RTN4R: variants seen among roughly 807,000 people sequenced by gnomAD.
RTN4R encodes the protein reticulon-4 receptor.
In RTN4R, 4 loss-of-function variants were observed where a neutral mutation model predicts 27.7. The observed-to-expected ratio is 0.14, with a 90% CI of 0.07 to 0.33. RTN4R has a LOEUF of 0.33. Among genes scored for constraint, RTN4R ranks in the 10% least tolerant of loss-of-function variants. RTN4R has a pLI of 1.00. For synonymous variants in RTN4R, 290 were observed against 305.6 expected (o/e 0.95, Z 0.53); for missense variants, 554 against 671.5 (o/e 0.83, Z 1.93).
chr22:20,266,613 C>A (rs1228930121), intron 1 of RTN4R, among the ~76,000 whole-genome samples: 1 of 152,220 alleles, frequency 6.6e-6, no homozygotes, highest in Non-Finnish European at 1.5e-5. Context: ...TCTTCCCTGC[C>A]CAGACAGGTT....
At position 20,255,592 on chromosome 22, in the gene RTN4R, C is replaced by T. The variant is rs1232482734; in HGVS notation, c.22+12479G>A. ...CAACTCTGTGCTTGGGCCTTCCCTG[C>T]AGGCCAGGCAGCTGCTTCCCTGAAC... On this transcript the variant is annotated intron_variant, in intron 1 of 1. Transcript: ENST00000043402. This position sits in a 1 kb window ranked among gnomAD's most constrained non-coding sequence, Gnocchi z 4.8. 6.6e-6 allele frequency among the ~76,000 whole-genome samples: 1 copy of T among 152,258 alleles called. No homozygotes were observed. Among genetic ancestry groups the T allele is most frequent in the Non-Finnish European group, 1.5e-5 (1 of 68,038 alleles).
At chr22:20,256,584 T>C (rs1366879197) in intron 1 of RTN4R, among the ~76,000 whole-genome samples, 1 of 152,200 alleles carries the variant, frequency 6.6e-6, no homozygotes. Flanking sequence ...GGGCAGCCCC[T>C]GGGCCAGGCC....
At position 20,242,391 on chromosome 22, in the gene RTN4R, G is replaced by C. The variant is rs1294758433; in HGVS notation, c.742C>G (p.Pro248Ala). 2.5e-6 allele frequency: 4 copies of C among 1,612,974 alleles called. No homozygotes were observed. Among genetic ancestry groups the C allele is most frequent in the African/African-American group, 2.7e-5 (2 of 74,924 alleles). Residue 248 changes from proline (P) to alanine (A), a missense_variant, in exon 2 of 2, where the codon CCC becomes GCC. Physicochemically the swap from Pro to Ala is conservative, Grantham distance 27. Transcript: ENST00000043402. ...LSALPTEALAPLRALQYLRLN... is the reference protein window; with the variant it reads ...LSALPTEALAALRALQYLRLN... ...CTCAGGTACTGCAGGGCACGCAGGG[G>C]GGCCAGGGCCTCAGTGGGCAGCGCT...
rs1242658917 is a variant in RTN4R at position 20,246,645 on chromosome 22, T to TCCCTGGCCCCCACTGTTCCTGGGG, written c.23-3559_23-3536dup. On this transcript the variant is annotated intron_variant, in intron 1 of 1. Coordinates refer to ENST00000043402, the MANE Select transcript of RTN4R (RefSeq NM_023004.6). ...AGCAGGGATGGCCTTCTTCATGTGG[T>TCCCTGGCCCCCACTGTTCCTGGGG]CCCTGGCCCCCACTGTTCCTGGGGC... Among the ~76,000 whole-genome samples, 8 of 152,260 alleles carry TCCCTGGCCCCCACTGTTCCTGGGG rather than the reference T, an allele frequency of 5.3e-5. No individual in the cohort carries two copies. The East Asian group carries it at 1.5e-3, about 29-fold the overall frequency.
Position 20,241,558 on chromosome 22 carries a change from G to A in RTN4R, c.*153C>T. The A allele has an allele frequency of 1.3e-6, 1 of 749,768 alleles. No individual in the cohort carries two copies. Among genetic ancestry groups the A allele is most frequent in the Non-Finnish European group, 2.2e-6 (1 of 456,394 alleles). 46.4% of individuals were successfully genotyped at this position (749,768 alleles called of 1,614,324 possible). A position where few individuals can be genotyped will look rare whatever the true frequency, so the allele number is the denominator to read the frequency against. On this transcript the variant is annotated 3_prime_UTR_variant, in exon 2 of 2. Coordinates refer to ENST00000043402, the MANE Select transcript of RTN4R (RefSeq NM_023004.6). The stretch of plus-strand genomic sequence containing the variant: ...CCGAACCCTGTAAACATGATGGGGT[G>A]GAGATGGGGGTGGCGGGCGGCAGGC...
intron 1 of RTN4R, among the ~76,000 whole-genome samples, chr22:20,247,428 C>G (rs2051147767): frequency 6.6e-6 from 1 of 152,054 alleles, no homozygotes; most frequent in African/African-American, 2.4e-5. Context: ...GCACCCCTCC[C>G]ACGCCTGCTC....
chr22:20,261,706 G>A (rs764713044), intron 1 of RTN4R, among the ~76,000 whole-genome samples: 3 of 152,244 alleles, frequency 2.0e-5, no homozygotes, highest in Non-Finnish European at 4.4e-5. Context: ...CCTCCTCACC[G>A]GCGCCTGGGC....
At chr22:20,250,004 C>T (rs1043460761) in intron 1 of RTN4R, among the ~76,000 whole-genome samples, 7 of 152,322 alleles carry the variant, frequency 4.6e-5, no homozygotes, top group South Asian at 2.1e-4. Context: ...AGCTGGCCCA[C>T]GGCACATAAG....
chr22:20,263,135 G>A (rs979563161), intron 1 of RTN4R, among the ~76,000 whole-genome samples: 5 of 152,200 alleles, frequency 3.3e-5, no homozygotes, highest in Non-Finnish European at 7.3e-5. Flanking sequence ...TTTGCACATC[G>A]CCTCAAATTG....
At chr22:20,243,838 C>A (rs748614627) in intron 1 of RTN4R, among the ~76,000 whole-genome samples, 1 of 152,052 alleles carries the variant, frequency 6.6e-6, no homozygotes, top group Non-Finnish European at 1.5e-5. Context: ...CCCACCCAGA[C>A]GCCATCAGCA....
At chr22:20,259,965 G>A (rs922001283) in intron 1 of RTN4R, among the ~76,000 whole-genome samples, 2 of 152,164 alleles carry the variant, frequency 1.3e-5, no homozygotes, top group Non-Finnish European at 1.5e-5. Flanking sequence ...ACCCCTGTGG[G>A]CCTCCCCTGC....
rs2051116969 is a variant in RTN4R, at chr22:20,242,830, G to A, written c.303C>T (p.Phe101=). Residue 101 remains phenylalanine, a synonymous_variant, in exon 2 of 2, where the codon TTC becomes TTT. Coordinates refer to ENST00000043402, the MANE Select transcript of RTN4R (RefSeq NM_023004.6). ...NVLARIDAAA[F]TGLALLEQLD... is the part of the protein sequence containing the mutation. ...GCTGCTCCAGGAGGGCCAGGCCAGTGAAGGCAGCCGCATCAATTCGGGCCA... is the reference window on the plus strand; with the variant it reads ...GCTGCTCCAGGAGGGCCAGGCCAGTAAAGGCAGCCGCATCAATTCGGGCCA... The A allele has an allele frequency of 6.2e-7, 1 of 1,612,926 alleles. No homozygotes were observed. The highest frequency in any genetic ancestry group is 1.1e-5 in the South Asian group (1 of 91,088).
chr22:20,243,245 C>G (rs1193719691), intron 1 of RTN4R, 135 bp from the exon 2 acceptor site: 2 of 810,700 alleles, frequency 2.5e-6, no homozygotes, highest in Admixed American at 4.4e-5. Context: ...GTGGCCACCA[C>G]CCCCGGGAAT....
In RTN4R at chr22:20,268,161, C is replaced by A. The variant is rs1232324915; in HGVS notation, c.-69G>T. On this transcript the variant is annotated 5_prime_UTR_variant, in exon 1 of 2. Transcript: ENST00000043402. Reference sequence around the variant, plus strand: ...GGGGCGGGCGCCCGTCTCCCCGCGGCCGGGTCCGCATCCAGGCGCCGCCGC... The same window carrying A: ...GGGGCGGGCGCCCGTCTCCCCGCGGACGGGTCCGCATCCAGGCGCCGCCGC... The A allele has an allele frequency of 9.8e-6, 9 of 917,120 alleles. No individual in the cohort carries two copies. The allele number at this position is 917,120 out of a possible 1,614,324, so 56.8% of individuals were successfully genotyped here.
intron 1 of RTN4R, among the ~76,000 whole-genome samples, chr22:20,266,027 G>A (rs1373089788): frequency 2.0e-5 from 3 of 152,322 alleles, no homozygotes; most frequent in African/African-American, 7.2e-5. Context: ...GGCCCTGCAC[G>A]TGCCCCTCTG....
intron 1 of RTN4R, among the ~76,000 whole-genome samples, chr22:20,261,365 G>A (rs1435313267): frequency 6.6e-6 from 1 of 152,198 alleles, no homozygotes; most frequent in Non-Finnish European, 1.5e-5. Context: ...GGCCAGGAAA[G>A]GGCGTGCAAG....
chr22:20,265,865 C>T (rs557237544), intron 1 of RTN4R, among the ~76,000 whole-genome samples: 88 of 152,350 alleles, frequency 5.8e-4, no homozygotes, highest in African/African-American at 2.0e-3. Flanking sequence ...CGCCCAGCCT[C>T]AGCCTGGAAG....
At chr22:20,256,425 C>T (rs2051212489) in intron 1 of RTN4R, among the ~76,000 whole-genome samples, 4 of 152,338 alleles carry the variant, frequency 2.6e-5, no homozygotes, top group South Asian at 4.1e-4. Flanking sequence ...CTGGCCTGCC[C>T]GGGCCACCCC....
chr22:20,261,510 C>T (rs967959713), intron 1 of RTN4R, among the ~76,000 whole-genome samples: 3 of 152,212 alleles, frequency 2.0e-5, no homozygotes, highest in Middle Eastern at 3.2e-3. Flanking sequence ...ACGATAGCCA[C>T]GTGCGGACAG....
Sources: gnomAD v4.1 joint callset for allele counts (sites outside exome capture counted in the v4.1 genomes callset) on GRCh38, gnomAD v4.1.1 for gene constraint, Gnocchi (gnomAD v3.1) non-coding constraint, MANE v1.5 for transcripts, NCBI Gene and HGNC (gene_info 2026-07-23, HGNC 2026-07-21) for gene names.